The following ZPBP variants were observed in gnomAD, a reference collection of about 807,000 sequenced individuals.
ZPBP encodes zona pellucida binding protein.
A neutral mutation model predicts 44.8 loss-of-function variants in ZPBP; 26 were observed. The ratio of observed to expected loss-of-function variants is 0.58; its 90% confidence interval spans 0.43 to 0.81. The LOEUF (loss-of-function observed/expected upper bound fraction) is 0.81, where lower values mean the gene tolerates loss of function less well. ZPBP is among the 30% of genes least tolerant of loss of function. The pLI is 0.00. For synonymous variants in ZPBP, 174 were observed against 153.2 expected, an observed-to-expected ratio of 1.14 and a Z score of -1.00; for missense variants, 409 against 434.0, an observed-to-expected ratio of 0.94 and a Z score of 0.51.
At chr7:50,014,216 C>T (rs896132416) in intron 6 of ZPBP, among the ~76,000 whole-genome samples, 32 of 152,072 alleles carry the variant, frequency 2.1e-4, no homozygotes, top group African/African-American at 7.7e-4. Context: ...AAACTCCAAT[C>T]CTAACCCAAG....
rs116511201 is a variant in ZPBP, at chr7:49,955,916, C to G, written c.962-18294G>C. Among the ~76,000 whole-genome samples, 641 of 152,194 alleles carry G rather than the reference C, an allele frequency of 4.2e-3. 3 individuals carry two copies. The highest frequency in any genetic ancestry group is 0.015 in the African/African-American group (623 of 41,556). On this transcript the variant is annotated intron_variant, in intron 7 of 7. Transcript: ENST00000046087. ...CTCTTGAGGATATACATTATCAAAA[C>G]AGGCTCAGAAAATCTGAAAAGCCCT...
chr7:49,915,187 T>A (rs2128744618), intron 1 of ZPBP: 1 of 152,302 alleles, frequency 6.6e-6, no homozygotes, highest in Non-Finnish European at 1.5e-5. Flanking sequence ...TTGAGAAAAG[T>A]CATTTCAAAA....
intron 4 of ZPBP, among the ~76,000 whole-genome samples, chr7:50,038,394 G>A (rs1445080950): frequency 6.6e-6 from 1 of 152,214 alleles, no homozygotes; most frequent in African/African-American, 2.4e-5. Context: ...AGTCACCTAG[G>A]AGAAGCAATA....
chr7:49,930,870 C>T (rs929577427), intron 1 of ZPBP, among the ~76,000 whole-genome samples: 11 of 152,336 alleles, frequency 7.2e-5, no homozygotes, highest in African/African-American at 2.4e-4. Flanking sequence ...TTTGGTTTGG[C>T]TCTACGTCCC....
chr7:49,840,714 C>T, the ZPBP span, among the ~76,000 whole-genome samples: 29 of 152,168 alleles, frequency 1.9e-4, no homozygotes, highest in Middle Eastern at 3.4e-3. Context: ...CATAAAAAGC[C>T]GATTATTCAC....
intron 6 of ZPBP, among the ~76,000 whole-genome samples, chr7:50,010,476 A>T (rs1798518491): frequency 6.6e-6 from 1 of 151,910 alleles, no homozygotes; most frequent in African/African-American, 2.4e-5. Context: ...GAAAATTACT[A>T]AAACGTTATC....
the ZPBP span, among the ~76,000 whole-genome samples, chr7:49,842,209 A>G: frequency 6.6e-6 from 1 of 152,180 alleles, no homozygotes; most frequent in Non-Finnish European, 1.5e-5. Flanking sequence ...TTATATAAAT[A>G]CTTGATAAAT....
At chr7:49,982,294 ATATATAATATATAAT>A (rs71018441) in intron 7 of ZPBP, among the ~76,000 whole-genome samples, 47,335 of 90,346 alleles carry the variant, frequency 0.52, 11,260 homozygotes, top group East Asian at 0.71. Context: ...TATACATAAT[ATATATAATATATAAT>A]TATATAATAT....
At chr7:49,878,687 T>C (rs1417503739) in intron 2 of ZPBP, among the ~76,000 whole-genome samples, 4 of 152,196 alleles carry the variant, frequency 2.6e-5, no homozygotes, top group Non-Finnish European at 5.9e-5. Context: ...TTCAATGTCT[T>C]TGATAAGTTC....
At chr7:50,061,609 T>C (rs941824698) in intron 3 of ZPBP, among the ~76,000 whole-genome samples, 1 of 152,182 alleles carries the variant, frequency 6.6e-6, no homozygotes, top group Non-Finnish European at 1.5e-5. Flanking sequence ...TTGATTTTAA[T>C]GATTTTAATG....
chr7:49,920,887 G>GGGGAAATGTTATAGGGGA (rs2128747025), intron 1 of ZPBP: 1 of 152,180 alleles, frequency 6.6e-6, no homozygotes, highest in African/African-American at 2.4e-5. Flanking sequence ...ATTTCTAATA[G>GGGGAAATGTTATAGGGGA]ACTGTTATAG....
chr7:49,940,979 T>C (rs1264678291), intron 7 of ZPBP, among the ~76,000 whole-genome samples: 1 of 151,954 alleles, frequency 6.6e-6, no homozygotes, highest in Non-Finnish European at 1.5e-5. Flanking sequence ...GAAGAAGATA[T>C]CTAAAAGCAG....
intron 7 of ZPBP, among the ~76,000 whole-genome samples, chr7:49,975,973 T>A (rs1796496190): frequency 1.3e-5 from 2 of 152,216 alleles, no homozygotes; most frequent in Admixed American, 1.3e-4. Context: ...TTCTATCTAC[T>A]AATTGTTATA....
intron 2 of ZPBP, among the ~76,000 whole-genome samples, chr7:50,088,153 G>A (rs530687915): frequency 2.0e-5 from 3 of 152,074 alleles, no homozygotes; most frequent in East Asian, 1.9e-4. Context: ...TTTTCAATAC[G>A]AGTGCCAAGC....
intron 3 of ZPBP, among the ~76,000 whole-genome samples, chr7:50,067,495 G>T (rs1391440975): frequency 6.6e-6 from 1 of 152,122 alleles, no homozygotes; most frequent in East Asian, 1.9e-4. Flanking sequence ...GTTTCTATAG[G>T]CAAAGACTGC....
intron 7 of ZPBP, among the ~76,000 whole-genome samples, chr7:49,947,442 T>A (rs532568300): frequency 4.6e-5 from 7 of 152,344 alleles, no homozygotes; most frequent in Middle Eastern, 3.4e-3. Context: ...CTAGTAACAC[T>A]GTGGCTCCTG....
chr7:49,880,185 A>C (rs1424648252), intron 2 of ZPBP, among the ~76,000 whole-genome samples: 1 of 152,242 alleles, frequency 6.6e-6, no homozygotes, highest in South Asian at 2.1e-4. Context: ...AAATTTTATC[A>C]GTGTCTTTTT....
At chr7:49,934,821 T>C (rs993259885), downstream of ZPBP, among the ~76,000 whole-genome samples, 2 of 152,116 alleles carry the variant, frequency 1.3e-5, no homozygotes, top group African/African-American at 4.8e-5. Flanking sequence ...AATAAACACA[T>C]CTTACATATT....
chr7:49,991,332 G>A (rs1272774483), intron 6 of ZPBP, among the ~76,000 whole-genome samples: 2 of 152,012 alleles, frequency 1.3e-5, no homozygotes, highest in Non-Finnish European at 2.9e-5. Flanking sequence ...AGGAACATCA[G>A]AACAGCAATA....
Sources: allele counts gnomAD v4.1 joint callset (sites outside exome capture counted in the v4.1 genomes callset), GRCh38; gene constraint gnomAD v4.1.1; transcripts MANE v1.5; gene names NCBI Gene and HGNC (gene_info 2026-07-23, HGNC 2026-07-21).